Variants in LINS1 observed in about 807,000 individuals in gnomAD.
LINS1 encodes the protein protein Lines homolog 1.
Under a neutral mutation model 41.6 loss-of-function variants are expected in LINS1, and 27 were observed. That is an observed-to-expected ratio of 0.65 (90% CI 0.48 to 0.89). The LOEUF (loss-of-function observed/expected upper bound fraction) is 0.89, where lower values mean the gene tolerates loss of function less well. Ranked by LOEUF, LINS1 falls within the 40% of genes least tolerant of loss-of-function variation. The pLI, the probability that LINS1 is intolerant of heterozygous loss-of-function variation, is 0.00. For synonymous variants in LINS1, 336 were observed against 312.9 expected, an observed-to-expected ratio of 1.07 and a Z score of -0.78; for missense variants, 955 against 884.1, an observed-to-expected ratio of 1.08 and a Z score of -1.02.
intron 1 of LINS1, among the ~76,000 whole-genome samples, chr15:100,595,139 C>G (rs2039191337): frequency 6.6e-6 from 1 of 152,046 alleles, no homozygotes; most frequent in South Asian, 2.1e-4. Flanking sequence ...TGAGGCTAGT[C>G]AAAGGGTTCT....
In LINS1 at chr15:100,566,976, T is replaced by C. The variant is rs1284853353; in HGVS notation, c.*2262A>G. The C allele has an allele frequency of 6.6e-6, 1 of 152,230 alleles. No individual in the cohort carries two copies. Among genetic ancestry groups the C allele is most frequent in the African/African-American group, 2.4e-5 (1 of 41,450 alleles). The allele number at this position is 152,230 out of a possible 1,614,324, so 9.4% of individuals were successfully genotyped here. A position where few individuals can be genotyped will look rare whatever the true frequency, so the allele number is the denominator to read the frequency against. On this transcript the variant is annotated 3_prime_UTR_variant, in exon 7 of 7. Transcript: ENST00000314742. Reference sequence around the variant, plus strand: ...TACCCTTAGGAACAAGAGTCGATTTTTTTTTCCCAGTTATTTCCATCAAAA... The same window carrying C: ...TACCCTTAGGAACAAGAGTCGATTTCTTTTTCCCAGTTATTTCCATCAAAA...
intron 1 of LINS1, among the ~76,000 whole-genome samples, chr15:100,583,125 T>A (rs1040443835): frequency 3.3e-5 from 5 of 151,544 alleles, no homozygotes; most frequent in African/African-American, 1.2e-4. Flanking sequence ...GGGTCTTCCA[T>A]CTACAACATG....
intron 5 of LINS1, 137 bp from the exon 6 acceptor site, chr15:100,572,202 T>G: frequency 6.7e-7 from 1 of 1,502,346 alleles, no homozygotes; most frequent in South Asian, 1.3e-5. Flanking sequence ...TCATCAGGAA[T>G]CAGTTAGGAA....
intron 1 of LINS1, among the ~76,000 whole-genome samples, chr15:100,601,821 T>C (rs1364981568): frequency 1.3e-5 from 2 of 152,084 alleles, no homozygotes; most frequent in South Asian, 2.1e-4. Context: ...CCCGCCAACG[T>C]TGCTATCCTT....
chr15:100,570,887 C>T (rs1344435947), intron 6 of LINS1, among the ~76,000 whole-genome samples: 1 of 152,172 alleles, frequency 6.6e-6, no homozygotes. Flanking sequence ...AAGCACATGC[C>T]TCTCTGGACA....
At chr15:100,579,091 G>A (rs1330843707) in intron 3 of LINS1, among the ~76,000 whole-genome samples, 4 of 151,900 alleles carry the variant, frequency 2.6e-5, no homozygotes, top group Admixed American at 6.6e-5. Context: ...GAGTTAATGG[G>A]TGCAGCACAC....
In LINS1 at chr15:100,587,562, C is replaced by T. The variant is rs564828968; in HGVS notation, c.-103-6617G>A. Among the ~76,000 whole-genome samples, 53 of 152,078 alleles carry T rather than the reference C, an allele frequency of 3.5e-4. No individual in the cohort carries two copies. In the South Asian group the frequency reaches 1.0e-2, roughly 29 times the overall value. ...TGTTTATTCTCCTCTGGGCTTTGCTCGTGTATGCATATATATAAAACCATG... is the reference window on the plus strand; with the variant it reads ...TGTTTATTCTCCTCTGGGCTTTGCTTGTGTATGCATATATATAAAACCATG... On this transcript the variant is annotated intron_variant, in intron 1 of 6. Transcript: ENST00000314742.
At chr15:100,584,504 A>T (rs117026788) in intron 1 of LINS1, among the ~76,000 whole-genome samples, 2,360 of 152,210 alleles carry the variant, frequency 0.016, 35 homozygotes, top group Non-Finnish European at 0.022. Context: ...AGTGATTGTG[A>T]GAAATTAGAC....
intron 1 of LINS1, among the ~76,000 whole-genome samples, chr15:100,601,260 T>C (rs7167468): frequency 0.12 from 17,545 of 152,226 alleles, 1,200 homozygotes; most frequent in East Asian, 0.27. Context: ...AAGTAATTTA[T>C]TGTCTAGTTT....
At chr15:100,590,434 C>T (rs1366457715) in intron 1 of LINS1, among the ~76,000 whole-genome samples, 2 of 152,018 alleles carry the variant, frequency 1.3e-5, no homozygotes, top group South Asian at 4.1e-4. Context: ...CTCCTCTTAA[C>T]CCATATCCCA....
In LINS1 at chr15:100,569,474, TTGA is replaced by T; in HGVS notation, c.2035_2037del (p.Ser679del). 5 of 1,614,222 alleles carry T rather than the reference TTGA, an allele frequency of 3.1e-6. No homozygotes were observed. The highest frequency in any genetic ancestry group is 4.2e-6 in the Non-Finnish European group (5 of 1,180,034). Reference sequence around the variant, plus strand: ...TCAAATTCTTTCAGAACCAGAGGCCTTGATGGAGGCTCAAGGCTAAATTCTTTT... The same window carrying T: ...TCAAATTCTTTCAGAACCAGAGGCCTTGGAGGCTCAAGGCTAAATTCTTTT... On this transcript the variant is annotated inframe_deletion, in exon 7 of 7. Coordinates refer to ENST00000314742, the MANE Select transcript of LINS1 (RefSeq NM_001040616.3).
intron 6 of LINS1, 164 bp from the exon 7 acceptor site, chr15:100,570,281 G>A (rs761404069): frequency 1.9e-6 from 1 of 537,102 alleles, no homozygotes. Flanking sequence ...TTCCCCATAA[G>A]CTCTAAAGAA....
chr15:100,587,804 C>A (rs1602913), intron 1 of LINS1, among the ~76,000 whole-genome samples: 1 of 151,956 alleles, frequency 6.6e-6, no homozygotes, highest in Non-Finnish European at 1.5e-5. Context: ...CTTGATTATA[C>A]TTTTGTAAAT....
chr15:100,572,632 T>A (rs2037894957), intron 5 of LINS1: 2 of 984,158 alleles, frequency 2.0e-6, no homozygotes, highest in Admixed American at 5.8e-5. Flanking sequence ...ATAACTAATG[T>A]GTAGTTATTA....
intron 1 of LINS1, among the ~76,000 whole-genome samples, chr15:100,586,890 G>A (rs1301446638): frequency 3.3e-5 from 5 of 152,044 alleles, no homozygotes; most frequent in East Asian, 1.9e-4. Flanking sequence ...GGCCGGGTGC[G>A]GTGGCTCATG....
chr15:100,601,848 A>T (rs781423024), intron 1 of LINS1, among the ~76,000 whole-genome samples: 11 of 152,052 alleles, frequency 7.2e-5, no homozygotes, highest in Non-Finnish European at 1.5e-4. Flanking sequence ...AGGTCCTTGG[A>T]TCGTCATCGC....
At chr15:100,601,743 T>C (rs2039506464) in intron 1 of LINS1, among the ~76,000 whole-genome samples, 2 of 152,194 alleles carry the variant, frequency 1.3e-5, no homozygotes, top group Non-Finnish European at 2.9e-5. Flanking sequence ...ATAAAGTGCT[T>C]AACAAACGTG....
chr15:100,580,002 G>A (rs2038437597), intron 3 of LINS1, among the ~76,000 whole-genome samples: 1 of 152,070 alleles, frequency 6.6e-6, no homozygotes, highest in Admixed American at 6.6e-5. Flanking sequence ...GTGAGCAAAT[G>A]TCTTATTAAT....
At chr15:100,598,408 T>A (rs766917186) in intron 1 of LINS1, among the ~76,000 whole-genome samples, 1 of 152,174 alleles carries the variant, frequency 6.6e-6, no homozygotes, top group South Asian at 2.1e-4. Flanking sequence ...TAAATTATAA[T>A]AAAAATGTAG....
Sources: gnomAD v4.1 joint callset for allele counts (sites outside exome capture counted in the v4.1 genomes callset) on GRCh38, gnomAD v4.1.1 for gene constraint, MANE v1.5 for transcripts, NCBI Gene and HGNC (gene_info 2026-07-23, HGNC 2026-07-21) for gene names.